The following CMTR1 variants were observed in gnomAD, a reference collection of about 807,000 sequenced individuals.
The protein encoded by CMTR1 is cap methyltransferase 1, also known as cap-specific mRNA (nucleoside-2'-O-)-methyltransferase 1.
CMTR1 carries 39 observed loss-of-function variants against 107.0 expected under a neutral mutation model. The observed-to-expected ratio is 0.36, with a 90% CI of 0.28 to 0.48. The LOEUF is 0.48. CMTR1 is among the 20% of genes least tolerant of loss of function. The pLI, the probability that CMTR1 is intolerant of heterozygous loss-of-function variation, is 0.99. For missense variants in CMTR1, 672 were observed against 1,064.9 expected (o/e 0.63, Z 5.14); for synonymous variants, 366 against 379.5 (o/e 0.96, Z 0.41).
chr6:37,478,739 G>A (rs192472997), intron 22 of CMTR1, among the ~76,000 whole-genome samples: 25 of 152,336 alleles, frequency 1.6e-4, no homozygotes, highest in East Asian at 1.5e-3. Context: ...AATAGGGAGA[G>A]GAGCTCAACT....
chr6:37,463,567 C>T (rs990561195), intron 13 of CMTR1, among the ~76,000 whole-genome samples: 3 of 152,014 alleles, frequency 2.0e-5, no homozygotes, highest in Non-Finnish European at 4.4e-5. Context: ...TCTCAGTGGG[C>T]AGGCCTTTGA....
At chr6:37,442,707 C>T (rs1007423174) in intron 2 of CMTR1, among the ~76,000 whole-genome samples, 3 of 152,144 alleles carry the variant, frequency 2.0e-5, no homozygotes, top group Admixed American at 2.0e-4. Context: ...TGAATGTCAA[C>T]CCTTAGCAGG....
At chr6:37,440,531 A>G (rs560813814) in intron 2 of CMTR1, among the ~76,000 whole-genome samples, 2 of 152,342 alleles carry the variant, frequency 1.3e-5, no homozygotes, top group East Asian at 1.9e-4. Context: ...TTGCTTATCT[A>G]GCACACTTCT....
chr6:37,480,045 G>A lies in CMTR1; in HGVS notation c.2408G>A (p.Trp803Ter). 6.3e-7 allele frequency: 1 copy of A among 1,581,596 alleles called. No individual in the cohort carries two copies. The highest frequency in any genetic ancestry group is 2.3e-5 in the East Asian group (1 of 42,742). ...ICYYGRLFWE[W>*]GDGIRVHDSQ... ...TACTATGGCCGGCTCTTCTGGGAGT[G>A]GGGGGATGGCATTCGTGTGCATGAC... The change falls in exon 24 of 24, where the codon TGG (tryptophan) becomes TAG (stop). Residue 803 changes from tryptophan (W) to a stop codon, truncating the protein, a stop_gained. Coordinates refer to ENST00000373451, the MANE Select transcript of CMTR1 (RefSeq NM_015050.3). LOFTEE classifies it high-confidence loss of function.
At chr6:37,432,562 G>A (rs1459580697), upstream of CMTR1, among the ~76,000 whole-genome samples, 1 of 152,326 alleles carries the variant, frequency 6.6e-6, no homozygotes, top group East Asian at 1.9e-4. Context: ...TTTGGGGTAT[G>A]AAGAAGAGGG....
At chr6:37,474,723 G>C in intron 18 of CMTR1, 77 bp downstream of exon 18, 1 of 1,579,072 alleles carries the variant, frequency 6.3e-7, no homozygotes. Context: ...CTTTTGCCCT[G>C]AGTTAACTTG....
At chr6:37,449,720 T>C (rs879377234) in intron 4 of CMTR1, among the ~76,000 whole-genome samples, 1 of 152,234 alleles carries the variant, frequency 6.6e-6, no homozygotes, top group Non-Finnish European at 1.5e-5. Flanking sequence ...TCAGTTTTTG[T>C]TCTCCCTTAG....
intron 2 of CMTR1, among the ~76,000 whole-genome samples, chr6:37,440,216 G>T (rs1323734299): frequency 6.6e-6 from 1 of 152,204 alleles, no homozygotes; most frequent in Non-Finnish European, 1.5e-5. Flanking sequence ...TGAAACTAAT[G>T]AGTTTAATAG....
chr6:37,477,547 G>A (rs1761763314), intron 20 of CMTR1, 45 bp from the exon 21 acceptor site: 1 of 1,560,680 alleles, frequency 6.4e-7, no homozygotes. Context: ...GGATGAGAAT[G>A]TCCCCCAGGA....
chr6:37,475,636 C>T, intron 19 of CMTR1: 2 of 586,328 alleles, frequency 3.4e-6, no homozygotes, highest in Admixed American at 3.0e-5. Context: ...GAGATACCAG[C>T]ACACTCCATT....
At chr6:37,470,275 T>A (rs1340790078) in intron 13 of CMTR1, among the ~76,000 whole-genome samples, 2 of 151,872 alleles carry the variant, frequency 1.3e-5, no homozygotes, top group African/African-American at 4.8e-5. Flanking sequence ...GCCTCCTGAG[T>A]AGCTGGGACT....
At chr6:37,469,497 A>G (rs1202023657) in intron 13 of CMTR1, among the ~76,000 whole-genome samples, 17 of 109,682 alleles carry the variant, frequency 1.5e-4, no homozygotes, top group Admixed American at 1.5e-3. Flanking sequence ...CTTGGCCATT[A>G]GTTTGTCAAT....
intron 2 of CMTR1, among the ~76,000 whole-genome samples, chr6:37,438,828 C>G (rs1045321336): frequency 5.3e-5 from 8 of 152,188 alleles, no homozygotes; most frequent in African/African-American, 1.9e-4. Context: ...ACAGTATACC[C>G]TGGTGGTTTG....
chr6:37,425,792 G>A, the CMTR1 span, among the ~76,000 whole-genome samples: 4 of 152,062 alleles, frequency 2.6e-5, no homozygotes, highest in African/African-American at 9.7e-5. Context: ...TTTGGAGTTT[G>A]TTAAGCTTCT....
At chr6:37,430,409 T>G (rs567611645), upstream of CMTR1, among the ~76,000 whole-genome samples, 1 of 136,956 alleles carries the variant, frequency 7.3e-6, no homozygotes, top group South Asian at 2.3e-4. Context: ...TGTGTGTGTG[T>G]GTATATATAT....
intron 19 of CMTR1, chr6:37,475,721 C>T (rs959420635): frequency 2.0e-5 from 10 of 508,426 alleles, no homozygotes; most frequent in African/African-American, 1.3e-4. Flanking sequence ...AGAGGGGGTA[C>T]TCCTTGGAAG....
chr6:37,473,532 G>A lies in CMTR1; in HGVS notation c.1752G>A (p.Lys584=). ...PTLLTSKTLE[K]IRPVFDYRCM... ...TGCTCACCTCTAAAACCCTGGAGAAGATCCGCCCTGTGTTTGACTACCGCT... is the reference window on the plus strand; with the variant it reads ...TGCTCACCTCTAAAACCCTGGAGAAAATCCGCCCTGTGTTTGACTACCGCT... The change falls in exon 17 of 24, where the codon AAG becomes AAA. Residue 584 remains lysine, a synonymous_variant. Coordinates refer to ENST00000373451, the MANE Select transcript of CMTR1 (RefSeq NM_015050.3). 6.2e-7 allele frequency: 1 copy of A among 1,614,166 alleles called. No homozygotes were observed. Among genetic ancestry groups the A allele is most frequent in the Non-Finnish European group, 8.5e-7 (1 of 1,180,026 alleles).
chr6:37,439,954 G>A (rs1291885039), intron 2 of CMTR1, among the ~76,000 whole-genome samples: 2 of 152,132 alleles, frequency 1.3e-5, no homozygotes, highest in African/African-American at 2.4e-5. Flanking sequence ...GCTTGTCACT[G>A]CCAATTTTAA....
chr6:37,434,154 C>T (rs765721864), intron 1 of CMTR1, among the ~76,000 whole-genome samples: 4 of 151,980 alleles, frequency 2.6e-5, no homozygotes, highest in African/African-American at 4.8e-5. Context: ...TTAGCTTGGT[C>T]TTGCTTTCTG....
Sources: allele counts gnomAD v4.1 joint callset (sites outside exome capture counted in the v4.1 genomes callset), GRCh38; gene constraint gnomAD v4.1.1; transcripts MANE v1.5; gene names NCBI Gene and HGNC (gene_info 2026-07-23, HGNC 2026-07-21).